EEFSEC: variants seen among roughly 807,000 people sequenced by gnomAD.
The protein encoded by EEFSEC is selenocysteine-specific elongation factor.
In EEFSEC, 43 loss-of-function variants were observed where a neutral mutation model predicts 42.1. That is an observed-to-expected ratio of 1.02 (90% CI 0.80 to 1.32). The LOEUF is 1.32. Ranked by LOEUF, EEFSEC falls within the 40% of genes most tolerant of loss-of-function variation. The probability of loss-of-function intolerance (pLI) is 0.00; values close to 1 mark genes in which losing one functional copy is unlikely to be tolerated. For missense variants in EEFSEC, 745 were observed against 803.6 expected (o/e 0.93, Z 0.88); for synonymous variants, 354 against 339.1 (o/e 1.04, Z -0.48).
rs2067788562 is a variant in EEFSEC at position 128,382,480 on chromosome 3, TG to T, written c.1600+24108del. Among the ~76,000 whole-genome samples the T allele has an allele frequency of 3.3e-5, 5 of 152,262 alleles. No homozygotes were observed. In the South Asian group the frequency reaches 1.0e-3, roughly 32 times the overall value. Reference sequence around the variant, plus strand: ...GTGTGTGCGTGCTCACGCTTTTGTGTGTGTGGTGTGTTTTTGACAGGGGGGA... The same window carrying T: ...GTGTGTGCGTGCTCACGCTTTTGTGTTGTGGTGTGTTTTTGACAGGGGGGA... On this transcript the variant is annotated intron_variant, in intron 6 of 6. Coordinates refer to ENST00000254730, the MANE Select transcript of EEFSEC (RefSeq NM_021937.5).
chr3:128,305,501 T>G (rs1034324739), intron 4 of EEFSEC, among the ~76,000 whole-genome samples: 27 of 152,212 alleles, frequency 1.8e-4, no homozygotes, highest in African/African-American at 6.5e-4. Flanking sequence ...TGATACTTTT[T>G]GGGGGTAGCA....
downstream of EEFSEC, among the ~76,000 whole-genome samples, chr3:128,413,549 G>A (rs542852884): frequency 6.6e-6 from 1 of 152,292 alleles, no homozygotes; most frequent in African/African-American, 2.4e-5. Context: ...CAGGTTGTAG[G>A]TCACATGGCC....
rs761569605 is a variant in EEFSEC at position 128,341,254 on chromosome 3, A to G, written c.808A>G (p.Met270Val). The G allele has an allele frequency of 1.2e-6, 2 of 1,611,576 alleles. No homozygotes were observed. Among genetic ancestry groups the G allele is most frequent in the South Asian group, 1.1e-5 (1 of 90,570 alleles). The change falls in exon 5 of 7, where the codon ATG (methionine) becomes GTG (valine). Residue 270 changes from methionine (M) to valine (V), a missense_variant. Transcript: ENST00000254730. ...ALKVVKKVKSMQMFHMPITSA... is the reference protein window; with the variant it reads ...ALKVVKKVKSVQMFHMPITSA... The stretch of plus-strand genomic sequence containing the variant: ...TCAGGTGGTGAAGAAGGTGAAGTCC[A>G]TGCAGATGTTCCACATGCCCATCAC...
At chr3:128,312,569 C>T (rs965689168) in intron 4 of EEFSEC, among the ~76,000 whole-genome samples, 26 of 152,252 alleles carry the variant, frequency 1.7e-4, no homozygotes, top group African/African-American at 5.5e-4. Context: ...AGGACAGAGG[C>T]GTCCATGGTT....
intron 3 of EEFSEC, 69 bp downstream of exon 3, chr3:128,262,293 T>C (rs569230091): frequency 1.4e-6 from 2 of 1,404,150 alleles, no homozygotes; most frequent in South Asian, 2.3e-5. Context: ...TTTGTGTCCC[T>C]CTCTCCCCTG....
chr3:128,378,086 A>C (rs56247465), intron 6 of EEFSEC, among the ~76,000 whole-genome samples: 10,803 of 152,288 alleles, frequency 0.071, 789 homozygotes, highest in African/African-American at 0.19. Context: ...TTCCCACTTC[A>C]GCCTCCTACA....
At chr3:128,160,823 C>A (rs1055025940) in intron 1 of EEFSEC, among the ~76,000 whole-genome samples, 2 of 152,182 alleles carry the variant, frequency 1.3e-5, no homozygotes, top group African/African-American at 4.8e-5. Flanking sequence ...CACACACACA[C>A]ACGAATCCTA....
At position 128,371,299 on chromosome 3, in the gene EEFSEC, T is replaced by G. The variant is rs183517845; in HGVS notation, c.1600+12926T>G. On this transcript the variant is annotated intron_variant, in intron 6 of 6. Transcript: ENST00000254730. ...AGGCCTTGGCCTCCATGCTTGTATC[T>G]GGCCTTTGTCTAGACAGGGTTCCCA... 1.6e-4 allele frequency among the ~76,000 whole-genome samples: 25 copies of G among 152,100 alleles called. No individual in the cohort carries two copies. The East Asian group carries it at 4.7e-3, about 28-fold the overall frequency.
At chr3:128,255,390 G>A (rs1016073896) in intron 2 of EEFSEC, among the ~76,000 whole-genome samples, 10 of 152,206 alleles carry the variant, frequency 6.6e-5, no homozygotes, top group African/African-American at 2.4e-4. Context: ...CAAGGGAAGA[G>A]CACTGAGTTG....
chr3:128,350,829 G>A (rs2067376414), intron 5 of EEFSEC, among the ~76,000 whole-genome samples: 1 of 152,164 alleles, frequency 6.6e-6, no homozygotes, highest in Non-Finnish European at 1.5e-5. Flanking sequence ...TGAGACCTGG[G>A]CTACTTCAGG....
chr3:128,360,409 C>G (rs964811189), intron 6 of EEFSEC, among the ~76,000 whole-genome samples: 2 of 152,206 alleles, frequency 1.3e-5, no homozygotes, highest in African/African-American at 4.8e-5. Context: ...ATTCTTCCAG[C>G]TGGGTCGGGG....
chr3:128,410,735 C>T (rs189210632), downstream of EEFSEC, among the ~76,000 whole-genome samples: 143 of 152,308 alleles, frequency 9.4e-4, no homozygotes, highest in African/African-American at 3.2e-3. Flanking sequence ...GGGTGGGCCC[C>T]ACACATCTCC....
chr3:128,195,910 A>G (rs2065579933), intron 1 of EEFSEC, among the ~76,000 whole-genome samples: 1 of 152,206 alleles, frequency 6.6e-6, no homozygotes, highest in Non-Finnish European at 1.5e-5. Context: ...AAGTGTTTGG[A>G]CCCAAGATGA....
chr3:128,411,693 A>G (rs915261473), downstream of EEFSEC, among the ~76,000 whole-genome samples: 3 of 152,206 alleles, frequency 2.0e-5, no homozygotes, highest in Non-Finnish European at 4.4e-5. Flanking sequence ...CTAATGCACA[A>G]ACGAAGAGAT....
chr3:128,376,421 G>A (rs1324866344), intron 6 of EEFSEC, among the ~76,000 whole-genome samples: 1 of 152,164 alleles, frequency 6.6e-6, no homozygotes, highest in Non-Finnish European at 1.5e-5. Flanking sequence ...GCAGCATTCT[G>A]GGCCAGCTTC....
chr3:128,397,141 T>C (rs909038890), intron 6 of EEFSEC, among the ~76,000 whole-genome samples: 4 of 152,222 alleles, frequency 2.6e-5, no homozygotes, highest in African/African-American at 9.6e-5. Flanking sequence ...AACATCATTC[T>C]GGTTGGGGGA....
intron 6 of EEFSEC, among the ~76,000 whole-genome samples, chr3:128,374,820 G>GA (rs1166606530): frequency 6.6e-6 from 1 of 152,180 alleles, no homozygotes; most frequent in Non-Finnish European, 1.5e-5. Flanking sequence ...TGCAAATGAG[G>GA]AAACAGAAGC....
intron 1 of EEFSEC, among the ~76,000 whole-genome samples, chr3:128,246,262 G>A (rs748672444): frequency 6.6e-6 from 1 of 151,796 alleles, no homozygotes; most frequent in African/African-American, 2.4e-5. Flanking sequence ...GCACACAAAT[G>A]TTCAGTACTT....
intron 4 of EEFSEC, among the ~76,000 whole-genome samples, chr3:128,318,638 G>A (rs1238404434): frequency 2.0e-5 from 3 of 152,224 alleles, no homozygotes; most frequent in African/African-American, 7.2e-5. Context: ...GCTGTCCCTG[G>A]TGGCCCTGGT....
Sources: gnomAD v4.1 joint callset for allele counts (sites outside exome capture counted in the v4.1 genomes callset) on GRCh38, gnomAD v4.1.1 for gene constraint, MANE v1.5 for transcripts, NCBI Gene and HGNC (gene_info 2026-07-23, HGNC 2026-07-21) for gene names.